Variants in CDH2 observed in about 807,000 individuals in gnomAD.
CDH2 encodes the protein cadherin 2, also known as cadherin-2.
A neutral mutation model predicts 92.0 loss-of-function variants in CDH2; 17 were observed. That is an observed-to-expected ratio of 0.18 (90% CI 0.13 to 0.28). The LOEUF is 0.28. Ranked by LOEUF, CDH2 falls within the 10% of genes least tolerant of loss-of-function variation. The probability of loss-of-function intolerance (pLI) is 1.00; values close to 1 mark genes in which losing one functional copy is unlikely to be tolerated. For synonymous variants in CDH2, 419 were observed against 415.9 expected (o/e 1.01, Z -0.09); for missense variants, 862 against 1,133.1 (o/e 0.76, Z 3.44).
chr18:28,047,710 T>TA (rs965489990), intron 2 of CDH2, among the ~76,000 whole-genome samples: 4 of 149,226 alleles, frequency 2.7e-5, no homozygotes, highest in East Asian at 2.0e-4. Flanking sequence ...CTACTAAACA[T>TA]AAAAAAAAAT....
At chr18:28,123,641 T>C (rs2015627849) in intron 2 of CDH2, among the ~76,000 whole-genome samples, 1 of 152,112 alleles carries the variant, frequency 6.6e-6, no homozygotes, top group Non-Finnish European at 1.5e-5. Context: ...GATCGTGCTT[T>C]AGAAAGAAAA....
At chr18:28,086,647 C>T (rs1003982724) in intron 2 of CDH2, among the ~76,000 whole-genome samples, 6 of 152,032 alleles carry the variant, frequency 3.9e-5, no homozygotes, top group Non-Finnish European at 8.8e-5. Flanking sequence ...TATGTTTTTG[C>T]TTTTTGCTCA....
intron 1 of CDH2, among the ~76,000 whole-genome samples, chr18:28,168,867 C>T (rs977168758): frequency 6.6e-6 from 1 of 152,016 alleles, no homozygotes; most frequent in Non-Finnish European, 1.5e-5. Context: ...TTTATTGTGA[C>T]AGTCATTCTC....
intron 2 of CDH2, among the ~76,000 whole-genome samples, chr18:28,096,463 C>A: frequency 6.8e-6 from 1 of 147,940 alleles, no homozygotes. Flanking sequence ...GTAGAGAATA[C>A]TATTAATTAG....
chr18:28,058,258 C>T (rs2014334152), intron 2 of CDH2, among the ~76,000 whole-genome samples: 1 of 152,146 alleles, frequency 6.6e-6, no homozygotes, highest in Non-Finnish European at 1.5e-5. Context: ...CTTTCATAAT[C>T]CATTGATGAC....
chr18:28,064,980 C>G (rs1396691417), intron 2 of CDH2, among the ~76,000 whole-genome samples: 1 of 152,026 alleles, frequency 6.6e-6, no homozygotes, highest in African/African-American at 2.4e-5. Flanking sequence ...TTCCAAGGAC[C>G]ATAAATTTTC....
intron 3 of CDH2, among the ~76,000 whole-genome samples, chr18:28,013,346 G>A (rs896343694): frequency 5.9e-5 from 9 of 152,104 alleles, no homozygotes; most frequent in Admixed American, 3.3e-4. Context: ...TAATAAATCT[G>A]ACTGATGACA....
At chr18:27,996,873 T>G (rs963726009) in intron 7 of CDH2, among the ~76,000 whole-genome samples, 1 of 152,152 alleles carries the variant, frequency 6.6e-6, no homozygotes, top group African/African-American at 2.4e-5. Flanking sequence ...TAGCTATAAT[T>G]TACTTCTTAA....
chr18:28,007,165 A>AAAAAAAAAAATATAT (rs1172779200), intron 5 of CDH2, among the ~76,000 whole-genome samples: 9 of 110,502 alleles, frequency 8.1e-5, no homozygotes, highest in African/African-American at 4.0e-4. Flanking sequence ...ATAAAAAAAA[A>AAAAAAAAAAATATAT]ATATATATAT....
intron 2 of CDH2, among the ~76,000 whole-genome samples, chr18:28,110,114 G>T (rs974959635): frequency 5.9e-5 from 9 of 152,146 alleles, no homozygotes; most frequent in African/African-American, 2.2e-4. Flanking sequence ...AGAACTTGGT[G>T]TTGCCCATGT....
At chr18:28,073,328 C>T (rs1466281426) in intron 2 of CDH2, among the ~76,000 whole-genome samples, 1 of 152,000 alleles carries the variant, frequency 6.6e-6, no homozygotes, top group Non-Finnish European at 1.5e-5. Context: ...ACAATGAGGG[C>T]CTTTAAAAAG....
chr18:28,176,382 T>C (rs573281282), intron 1 of CDH2, among the ~76,000 whole-genome samples: 6 of 151,900 alleles, frequency 3.9e-5, no homozygotes, highest in Non-Finnish European at 5.9e-5. Context: ...ACACAGAATA[T>C]TGTGAGGGCA....
intron 7 of CDH2, among the ~76,000 whole-genome samples, chr18:27,997,203 T>A (rs1410658947): frequency 6.6e-6 from 1 of 152,212 alleles, no homozygotes; most frequent in Admixed American, 6.5e-5. Flanking sequence ...ATTAAAATCT[T>A]ATGCACGTGC....
intron 2 of CDH2, among the ~76,000 whole-genome samples, chr18:28,077,686 T>C (rs763169274): frequency 2.1e-4 from 32 of 151,782 alleles, no homozygotes; most frequent in Non-Finnish European, 3.8e-4. Flanking sequence ...AGGTCAGGAT[T>C]TTGAGACCAG....
intron 2 of CDH2, among the ~76,000 whole-genome samples, chr18:28,127,587 T>C (rs1425284871): frequency 2.0e-5 from 3 of 152,204 alleles, no homozygotes. Flanking sequence ...AGAAAATCTA[T>C]TAACTGAGCA....
chr18:28,058,729 A>G (rs192302687), intron 2 of CDH2, among the ~76,000 whole-genome samples: 1 of 150,954 alleles, frequency 6.6e-6, no homozygotes, highest in Non-Finnish European at 1.5e-5. Context: ...CAACATCCCT[A>G]ATCCGACTGT....
chr18:27,992,610 T>C (rs201469115), intron 9 of CDH2, 45 bp downstream of exon 9: 42 of 1,528,344 alleles, frequency 2.7e-5, no homozygotes, highest in Non-Finnish European at 3.7e-5. Flanking sequence ...TATTGGTCCT[T>C]GCTGAGCAGC....
At chr18:27,956,183 C>T (rs1212502438) in intron 15 of CDH2, among the ~76,000 whole-genome samples, 1 of 152,174 alleles carries the variant, frequency 6.6e-6, no homozygotes, top group Non-Finnish European at 1.5e-5. Context: ...AACATTATTT[C>T]ACAGGATGTA....
chr18:28,049,398 C>T (rs1567978637), intron 2 of CDH2, among the ~76,000 whole-genome samples: 1 of 152,002 alleles, frequency 6.6e-6, no homozygotes, highest in Non-Finnish European at 1.5e-5. Flanking sequence ...CTACCTTCTG[C>T]GAGAGAGGAA....
Sources: gnomAD v4.1 joint callset for allele counts (sites outside exome capture counted in the v4.1 genomes callset) on GRCh38, gnomAD v4.1.1 for gene constraint, MANE v1.5 for transcripts, NCBI Gene and HGNC (gene_info 2026-07-23, HGNC 2026-07-21) for gene names.